DHX29: variants seen among roughly 807,000 people sequenced by gnomAD.
DHX29 encodes the protein ATP-dependent RNA helicase DHX29.
DHX29 carries 79 observed loss-of-function variants against 167.9 expected under a neutral mutation model. The ratio of observed to expected loss-of-function variants is 0.47; its 90% CI spans 0.39 to 0.57. The LOEUF is 0.57. Among genes scored for constraint, DHX29 ranks in the 20% least tolerant of loss-of-function variants. DHX29 has a pLI of 0.00. For missense variants in DHX29, 1,347 were observed against 1,593.4 expected (o/e 0.85, Z 2.63); for synonymous variants, 530 against 546.0 (o/e 0.97, Z 0.41).
Position 55,297,403 on chromosome 5 carries a change from TGA to T in DHX29, c.262-7_262-6del, listed in dbSNP as rs765753906. 8.6e-7 allele frequency: 1 copy of T among 1,167,450 alleles called. No homozygotes were observed. The highest frequency in any genetic ancestry group is 1.3e-6 in the Non-Finnish European group (1 of 780,188). 72.3% of individuals were successfully genotyped at this position (1,167,450 alleles called of 1,614,324 possible). A position where few individuals can be genotyped will look rare whatever the true frequency, so the allele number is the denominator to read the frequency against. On this transcript the variant is annotated splice_polypyrimidine_tract_variant and splice_region_variant and intron_variant, in intron 2 of 26. Coordinates refer to ENST00000251636, the MANE Select transcript of DHX29 (RefSeq NM_019030.4). ...TAGTTTGTTATTAATTACCACCTGT[TGA>T]GGCCAAAAAGGTCATATCATTTAGA...
At chr5:55,302,592 CAA>C (rs3990285) in intron 1 of DHX29, among the ~76,000 whole-genome samples, 24 of 68,298 alleles carry the variant, frequency 3.5e-4, no homozygotes, top group East Asian at 1.1e-3. Flanking sequence ...GTGACCCTAT[CAA>C]AAAAAAAAAA....
At chr5:55,293,453 T>G (rs925928510) in intron 6 of DHX29, among the ~76,000 whole-genome samples, 60 of 152,352 alleles carry the variant, frequency 3.9e-4, no homozygotes, top group Admixed American at 5.9e-4. Context: ...CATTTAGTAT[T>G]ACTGATCCTT....
At chr5:55,294,180 G>A (rs1453344736) in intron 5 of DHX29, 35 bp from the exon 6 acceptor site, 2 of 1,542,702 alleles carry the variant, frequency 1.3e-6, no homozygotes, top group Admixed American at 2.0e-5. Flanking sequence ...AAAAACCAAA[G>A]TTAGAAAAAG....
intron 24 of DHX29, among the ~76,000 whole-genome samples, chr5:55,262,359 T>C (rs538428080): frequency 6.6e-6 from 1 of 152,332 alleles, no homozygotes; most frequent in African/African-American, 2.4e-5. Flanking sequence ...AGGGGATTGA[T>C]ACATTATTAA....
chr5:55,281,688 T>G (rs1447747083), intron 11 of DHX29, among the ~76,000 whole-genome samples, 173 bp from the exon 12 acceptor site: 1 of 152,166 alleles, frequency 6.6e-6, no homozygotes, highest in African/African-American at 2.4e-5. Context: ...AGCAAATCTA[T>G]TTAGTGCAAT....
chr5:55,307,321 C>T, intron 1 of DHX29, 66 bp downstream of exon 1: 1 of 1,406,426 alleles, frequency 7.1e-7, no homozygotes, highest in Non-Finnish European at 9.8e-7. Flanking sequence ...GGTTCTAAGG[C>T]CCTTTCCTCA....
At chr5:55,272,681 C>T (rs1051798510) in intron 17 of DHX29, among the ~76,000 whole-genome samples, 8 of 152,126 alleles carry the variant, frequency 5.3e-5, no homozygotes, top group African/African-American at 1.9e-4. Flanking sequence ...TGCAGTGAGC[C>T]GAGATTGTGC....
At position 55,272,012 on chromosome 5, in the gene DHX29, AT is replaced by A. The variant is rs1245868370; in HGVS notation, c.2864+74del. The A allele has an allele frequency of 4.8e-5, 40 of 838,102 alleles. No homozygotes were observed. In the Admixed American group the frequency reaches 8.6e-4, roughly 18 times the overall value. The allele number at this position is 838,102 out of a possible 1,614,324, so 51.9% of individuals were successfully genotyped here. A position where few individuals can be genotyped will look rare whatever the true frequency, so the allele number is the denominator to read the frequency against. On this transcript the variant is annotated intron_variant, in intron 18 of 26. Coordinates refer to ENST00000251636, the MANE Select transcript of DHX29 (RefSeq NM_019030.4). ...AGGATTTTCCCTAAATAATTTTAGG[AT>A]TTCTCCCAAGAATTCAAGAGCCCCA...
At chr5:55,284,044 G>A (rs1382788372) in intron 10 of DHX29, among the ~76,000 whole-genome samples, 2 of 151,810 alleles carry the variant, frequency 1.3e-5, no homozygotes, top group Admixed American at 1.3e-4. Context: ...ATATGTATGT[G>A]TATGATGCAA....
At chr5:55,265,459 G>A (rs1300976570) in intron 23 of DHX29, among the ~76,000 whole-genome samples, 1 of 151,682 alleles carries the variant, frequency 6.6e-6, no homozygotes, top group Non-Finnish European at 1.5e-5. Flanking sequence ...GGACACAGAA[G>A]AATATGTTAA....
intron 25 of DHX29, 22 bp downstream of exon 25, chr5:55,261,346 T>A: frequency 7.0e-7 from 1 of 1,419,414 alleles, no homozygotes; most frequent in Non-Finnish European, 9.6e-7. Context: ...TAATAATCAA[T>A]AAAATCAGTT....
intron 23 of DHX29, among the ~76,000 whole-genome samples, chr5:55,265,377 G>GAAAAAAAAAAAAAAAAAAAAA (rs77605415): frequency 8.8e-6 from 1 of 113,492 alleles, no homozygotes. Context: ...AAAGAAAAAA[G>GAAAAAAAAAAAAAAAAAAAAA]AAAAAAAAAA....
chr5:55,272,332 T>A (rs1212102390), intron 17 of DHX29, among the ~76,000 whole-genome samples, 157 bp from the exon 18 acceptor site: 1 of 152,218 alleles, frequency 6.6e-6, no homozygotes, highest in East Asian at 1.9e-4. Flanking sequence ...TAATTTTAAT[T>A]TACTCTAGTT....
chr5:55,278,055 T>A (rs1561149407), intron 12 of DHX29, among the ~76,000 whole-genome samples: 1 of 152,110 alleles, frequency 6.6e-6, no homozygotes, highest in African/African-American at 2.4e-5. Context: ...AAAGAGGCAT[T>A]AACTAGCAGG....
At position 55,262,867 on chromosome 5, in the gene DHX29, G is replaced by C; in HGVS notation, c.3591C>G (p.Thr1197=). ...GTGAGGCTCTGTTTCCTTCCCAGCT[G>C]GTAGAAGTTGTGGAAGATGAAAATC... ...AAGFSSSTTS[T]SWEGNRASQT... The change falls in exon 24 of 27, where the codon ACC becomes ACG. Residue 1197 remains threonine (T), a synonymous_variant. Transcript: ENST00000251636. The C allele has an allele frequency of 6.2e-7, 1 of 1,613,890 alleles. No homozygotes were observed. The highest frequency in any genetic ancestry group is 1.1e-5 in the South Asian group (1 of 91,066).
rs772003403 is a variant in DHX29, at chr5:55,295,425, G to A, written c.605C>T (p.Pro202Leu). Reference sequence around the variant, plus strand: ...ATATGTTTTTGTTTTAGGTTGCAATGGAGGTGAAATAGTGGCTTGTATTTG... The same window carrying A: ...ATATGTTTTTGTTTTAGGTTGCAATAGAGGTGAAATAGTGGCTTGTATTTG... ...SPQIQATISP[P>L]LQPKTKTYEE... is the part of the protein sequence containing the mutation. Residue 202 changes from proline (P) to leucine (L), a missense_variant, in exon 5 of 27, where the codon CCA (proline) becomes CTA (leucine). Pro to Leu is a moderately conservative substitution (Grantham distance 98). This residue lies in a region of DHX29 where 405 missense variants were observed against 416.8 expected (regional missense o/e 0.97). Coordinates refer to ENST00000251636, the MANE Select transcript of DHX29 (RefSeq NM_019030.4). The A allele has an allele frequency of 6.2e-7, 1 of 1,613,518 alleles. No individual in the cohort carries two copies. Among genetic ancestry groups the A allele is most frequent in the Admixed American group, 1.7e-5 (1 of 60,014 alleles).
intron 23 of DHX29, among the ~76,000 whole-genome samples, chr5:55,263,451 T>C (rs1746404507): frequency 2.0e-5 from 3 of 152,106 alleles, no homozygotes; most frequent in Admixed American, 1.3e-4. Context: ...TATGTGCTGA[T>C]CAGCAAAACT....
chr5:55,304,244 G>A (rs1231826910), intron 1 of DHX29, among the ~76,000 whole-genome samples: 1 of 151,706 alleles, frequency 6.6e-6, no homozygotes, highest in African/African-American at 2.4e-5. Flanking sequence ...CCTCTCCCCA[G>A]GAGACTCTTT....
intron 22 of DHX29, 77 bp downstream of exon 22, chr5:55,267,609 A>C: frequency 7.7e-7 from 1 of 1,292,152 alleles, no homozygotes; most frequent in Non-Finnish European, 1.0e-6. Flanking sequence ...CAATTTTAAT[A>C]AGTCAAAGGT....
Sources: gnomAD v4.1 joint callset for allele counts (sites outside exome capture counted in the v4.1 genomes callset) on GRCh38, gnomAD v4.1.1 for gene constraint, gnomAD v4.1.1 regional missense constraint, MANE v1.5 for transcripts, NCBI Gene and HGNC (gene_info 2026-07-23, HGNC 2026-07-21) for gene names.